The following COL3A1 variants were observed in gnomAD, a reference collection of about 807,000 sequenced individuals.
The protein encoded by COL3A1 is collagen alpha-1(III) chain.
In COL3A1, 46 loss-of-function variants were observed where a neutral mutation model predicts 200.9. The ratio of observed to expected loss-of-function variants is 0.23; its 90% confidence interval spans 0.18 to 0.29. The LOEUF is 0.29. COL3A1 is among the 10% of genes least tolerant of loss of function. COL3A1 has a pLI of 1.00. For synonymous variants in COL3A1, 650 were observed against 628.0 expected, an observed-to-expected ratio of 1.03 and a Z score of -0.52; for missense variants, 1,367 against 1,917.6, an observed-to-expected ratio of 0.71 and a Z score of 5.36.
chr2:189,001,717 C>T lies in COL3A1; in HGVS notation c.2391+128C>T. The T allele has an allele frequency of 4.3e-6, 4 of 922,318 alleles. No homozygotes were observed. The Admixed American group carries it at 7.4e-5, about 17-fold the overall frequency. The allele number at this position is 922,318 out of a possible 1,614,324, so 57.1% of individuals were successfully genotyped here. On this transcript the variant is annotated intron_variant, in intron 34 of 50. Transcript: ENST00000304636. ...AATTTGGAGATATTATCTTCAAAAA[C>T]CATATAAGGAACCATATAGCATGCA...
Position 188,992,241 on chromosome 2 carries a change from C to A in COL3A1, c.996+13C>A. 6.2e-7 allele frequency: 1 copy of A among 1,613,162 alleles called. No individual in the cohort carries two copies. Among genetic ancestry groups the A allele is most frequent in the East Asian group, 2.2e-5 (1 of 44,822 alleles). On this transcript the variant is annotated intron_variant, in intron 14 of 50. Coordinates refer to ENST00000304636, the MANE Select transcript of COL3A1 (RefSeq NM_000090.4). ...TGATGGTCAACCAGTAAGTAACTTT[C>A]TATCTCTTATGTGTTGTAGGGTAAT...
intron 8 of COL3A1, among the ~76,000 whole-genome samples, chr2:188,989,696 A>G (rs188048066): frequency 3.7e-4 from 57 of 152,274 alleles, no homozygotes; most frequent in African/African-American, 1.3e-3. Flanking sequence ...AGACTCATCC[A>G]TTGAATATAT....
chr2:189,008,283 A>G, intron 47 of COL3A1, 141 bp downstream of exon 47: 1 of 756,382 alleles, frequency 1.3e-6, no homozygotes, highest in Non-Finnish European at 2.3e-6. Context: ...ACTTTAAGAC[A>G]TTCTCCATCA....
At chr2:189,001,065 A>C (rs1688449008) in intron 32 of COL3A1, among the ~76,000 whole-genome samples, 1 of 152,234 alleles carries the variant, frequency 6.6e-6, no homozygotes, top group Admixed American at 6.5e-5. Flanking sequence ...CAAGCAATTG[A>C]ATAAAGAAAT....
intron 14 of COL3A1, among the ~76,000 whole-genome samples, chr2:188,992,678 A>C (rs963247695): frequency 1.4e-4 from 22 of 152,194 alleles, no homozygotes; most frequent in Admixed American, 6.5e-5. Context: ...TTCATGGCAA[A>C]GTAGGGAGAA....
chr2:189,002,398 T>G, intron 35 of COL3A1, 47 bp downstream of exon 35: 604 of 1,517,120 alleles, frequency 4.0e-4, no homozygotes, highest in Non-Finnish European at 5.1e-4. Flanking sequence ...CCAGGATCTC[T>G]ATCTTGCTGA....
At position 189,008,041 on chromosome 2, in the gene COL3A1, G is replaced by A. The variant is rs2153503966; in HGVS notation, c.3424G>A (p.Val1142Ile). The A allele has an allele frequency of 1.2e-6, 2 of 1,614,102 alleles. No individual in the cohort carries two copies. The highest frequency in any genetic ancestry group is 1.7e-6 in the Non-Finnish European group (2 of 1,179,980). ...SPGPAGPRGP[V>I]GPSGPPGKDG... The stretch of plus-strand genomic sequence containing the variant: ...TGTCATGATACTTTCTTAGGGACCT[G>A]TTGGACCCAGTGGACCTCCTGGCAA... The change falls in exon 47 of 51, where the codon GTT becomes ATT. Residue 1142 changes from valine (V) to isoleucine (I), a missense_variant. Around this residue, in one of 5 missense-constraint regions of COL3A1, gnomAD observed 846 missense variants for 1,147.9 expected, o/e 0.74. Transcript: ENST00000304636.
At chr2:188,989,975 T>G in intron 8 of COL3A1, 121 bp from the exon 9 acceptor site, 2 of 889,954 alleles carry the variant, frequency 2.2e-6, no homozygotes, top group South Asian at 1.4e-5. Context: ...CAACTATACA[T>G]TTTGTGGAAC....
chr2:188,978,723 A>G (rs1051225986), intron 1 of COL3A1, among the ~76,000 whole-genome samples: 1 of 149,604 alleles, frequency 6.7e-6, no homozygotes, highest in Non-Finnish European at 1.5e-5. Context: ...AGTTTTCCCT[A>G]AGATAAAAGC....
At chr2:188,999,758 A>G in intron 31 of COL3A1, 84 bp from the exon 32 acceptor site, 3 of 1,463,420 alleles carry the variant, frequency 2.0e-6, no homozygotes, top group Non-Finnish European at 2.8e-6. Flanking sequence ...ATATATCCCT[A>G]CAAATCCTGA....
At chr2:189,004,453 G>C in intron 40 of COL3A1, 89 bp downstream of exon 40, 1 of 1,202,746 alleles carries the variant, frequency 8.3e-7, no homozygotes, top group Middle Eastern at 2.8e-4. Context: ...AAGTTTTTCT[G>C]TCACTGGAGT....
chr2:189,010,583 C>T, intron 49 of COL3A1, 65 bp from the exon 50 acceptor site: 1 of 1,603,254 alleles, frequency 6.2e-7, no homozygotes. Context: ...ACACATACTA[C>T]ATGAATCCCT....
intron 1 of COL3A1, among the ~76,000 whole-genome samples, chr2:188,979,457 C>T (rs1021677217): frequency 6.6e-6 from 1 of 151,860 alleles, no homozygotes; most frequent in Non-Finnish European, 1.5e-5. Flanking sequence ...CTGTCTGGTA[C>T]TATTGTTGTT....
Position 189,003,806 on chromosome 2 carries a change from C to A in COL3A1, c.2661+19C>A, listed in dbSNP as rs752019489. On this transcript the variant is annotated intron_variant, in intron 38 of 50. Transcript: ENST00000304636. The stretch of plus-strand genomic sequence containing the variant: ...TAGTAATGTAAGTAATTGTTAAAGT[C>A]TTTTCTCATCATACACTTCAGAAAG... 1 of 1,613,260 alleles carries A rather than the reference C, an allele frequency of 6.2e-7. No homozygotes were observed. Among genetic ancestry groups the A allele is most frequent in the African/African-American group, 1.3e-5 (1 of 74,976 alleles).
chr2:188,982,418 C>G (rs1687972061), intron 1 of COL3A1, among the ~76,000 whole-genome samples: 1 of 151,624 alleles, frequency 6.6e-6, no homozygotes, highest in African/African-American at 2.4e-5. Context: ...CTTAATGAGA[C>G]ATAAACATAG....
intron 49 of COL3A1, 118 bp from the exon 50 acceptor site, chr2:189,010,530 C>G (rs1433411132): frequency 6.7e-7 from 1 of 1,497,484 alleles, no homozygotes; most frequent in East Asian, 2.3e-5. Context: ...ACATAAAATA[C>G]TCGTACATAA....
chr2:188,996,509 A>T lies in COL3A1; in HGVS notation c.1761+13A>T. The T allele has an allele frequency of 6.2e-7, 1 of 1,606,026 alleles. No homozygotes were observed. Among genetic ancestry groups the T allele is most frequent in the Non-Finnish European group, 8.5e-7 (1 of 1,173,098 alleles). On this transcript the variant is annotated intron_variant, in intron 24 of 50. Coordinates refer to ENST00000304636, the MANE Select transcript of COL3A1 (RefSeq NM_000090.4). ...TAAAGGAAATGATGTGAGTTCCTTC[A>T]TTAATTTCTTCAATAAATATTTGAC...
chr2:188,985,829 A>G (rs369278321), intron 4 of COL3A1, 51 bp downstream of exon 4: 20 of 1,215,074 alleles, frequency 1.6e-5, no homozygotes, highest in Non-Finnish European at 2.3e-5. Context: ...TATCTAGTTC[A>G]TCTTCTTTCT....
intron 1 of COL3A1, among the ~76,000 whole-genome samples, chr2:188,980,390 GATTAATCTTTT>G (rs1687926055): frequency 4.6e-5 from 1 of 21,940 alleles, no homozygotes; most frequent in African/African-American, 1.4e-4. Flanking sequence ...AATTCTAAAA[GATTAATCTTTT>G]AGACAATTCT....
Sources: gnomAD v4.1 joint callset for allele counts (sites outside exome capture counted in the v4.1 genomes callset) on GRCh38, gnomAD v4.1.1 for gene constraint, gnomAD v4.1.1 regional missense constraint, MANE v1.5 for transcripts, NCBI Gene and HGNC (gene_info 2026-07-23, HGNC 2026-07-21) for gene names.